The following KALRN variants were observed in gnomAD, a reference collection of about 807,000 sequenced individuals.
KALRN encodes the protein kalirin.
KALRN carries 70 observed loss-of-function variants against 353.7 expected under a neutral mutation model. The observed-to-expected ratio is 0.20, with a 90% CI of 0.16 to 0.24. The LOEUF (loss-of-function observed/expected upper bound fraction) is 0.24. Among genes scored for constraint, KALRN ranks in the 10% least tolerant of loss-of-function variants. KALRN has a pLI of 1.00. For missense variants in KALRN, 2,791 were observed against 3,756.7 expected, an observed-to-expected ratio of 0.74 and a Z score of 6.72; for synonymous variants, 1,391 against 1,434.8, an observed-to-expected ratio of 0.97 and a Z score of 0.69.
At chr3:124,574,995 C>A (rs1294252146) in intron 34 of KALRN, among the ~76,000 whole-genome samples, 1 of 152,244 alleles carries the variant, frequency 6.6e-6, no homozygotes, top group Non-Finnish European at 1.5e-5. Context: ...AACAACTCCT[C>A]ACCGAGGATC....
intron 33 of KALRN, chr3:124,518,805 T>A: frequency 8.2e-7 from 1 of 1,218,544 alleles, no homozygotes. Flanking sequence ...CCCAGGCTCC[T>A]GCTGCCCTAG....
At chr3:124,198,802 C>G (rs1393395368) in intron 1 of KALRN, among the ~76,000 whole-genome samples, 1 of 152,210 alleles carries the variant, frequency 6.6e-6, no homozygotes, top group African/African-American at 2.4e-5. Context: ...AATCGCTGCT[C>G]TAGAAGCTCC....
intron 1 of KALRN, among the ~76,000 whole-genome samples, chr3:124,120,744 A>ATATATATATATATT (rs1491323555): frequency 7.2e-6 from 1 of 138,020 alleles, no homozygotes; most frequent in Non-Finnish European, 1.6e-5. Flanking sequence ...ATATATATAT[A>ATATATATATATATT]TTTTCACATA....
At chr3:124,260,600 G>A (rs542473126) in intron 3 of KALRN, among the ~76,000 whole-genome samples, 31 of 152,128 alleles carry the variant, frequency 2.0e-4, no homozygotes, top group African/African-American at 5.3e-4. Context: ...TCCTTTGGGC[G>A]GAGAGTATTA....
chr3:124,710,855 G>A (rs867602595), intron 57 of KALRN, among the ~76,000 whole-genome samples: 2 of 152,176 alleles, frequency 1.3e-5, no homozygotes, highest in African/African-American at 4.8e-5. Flanking sequence ...TTTAAACCAT[G>A]GGTCTGCATA....
chr3:124,514,211 A>G (rs964255497), intron 33 of KALRN, among the ~76,000 whole-genome samples: 1 of 152,168 alleles, frequency 6.6e-6, no homozygotes, highest in East Asian at 1.9e-4. Flanking sequence ...CCTTTTTAAA[A>G]CCAGTTAATA....
At chr3:124,677,586 C>T (rs988813980) in intron 49 of KALRN, 1 of 456,568 alleles carries the variant, frequency 2.2e-6, no homozygotes, top group African/African-American at 2.0e-5. Flanking sequence ...GACCGAGAAA[C>T]TCTTTGCCCT....
chr3:124,257,682 A>G (rs1416792422), intron 3 of KALRN, among the ~76,000 whole-genome samples: 1 of 152,118 alleles, frequency 6.6e-6, no homozygotes, highest in East Asian at 1.9e-4. Context: ...CAGGGGACCC[A>G]TGGCCCAGAT....
intron 1 of KALRN, among the ~76,000 whole-genome samples, chr3:124,135,391 G>C (rs548599639): frequency 6.6e-6 from 1 of 152,088 alleles, no homozygotes; most frequent in Non-Finnish European, 1.5e-5. Flanking sequence ...AGTGGGAGGG[G>C]GGCAAGGGAT....
intron 51 of KALRN, among the ~76,000 whole-genome samples, chr3:124,680,492 C>G (rs2087668245): frequency 6.6e-6 from 1 of 152,224 alleles, no homozygotes; most frequent in South Asian, 2.1e-4. Flanking sequence ...GTAATGGGTA[C>G]AAGTTTAGAG....
At chr3:124,303,813 C>G (rs556224687) in intron 6 of KALRN, among the ~76,000 whole-genome samples, 1 of 152,268 alleles carries the variant, frequency 6.6e-6, no homozygotes, top group East Asian at 1.9e-4. Context: ...GCCAAAGGCA[C>G]ATATTGCCAC....
chr3:124,612,565 C>G (rs1272939974), intron 34 of KALRN, among the ~76,000 whole-genome samples: 3 of 152,116 alleles, frequency 2.0e-5, no homozygotes, highest in Non-Finnish European at 4.4e-5. Flanking sequence ...TTGAACTCCT[C>G]ACCTCAGGTG....
intron 10 of KALRN, among the ~76,000 whole-genome samples, chr3:124,376,103 T>G (rs1330974994): frequency 6.6e-6 from 1 of 152,166 alleles, no homozygotes; most frequent in Non-Finnish European, 1.5e-5. Flanking sequence ...ATGGACAGGG[T>G]GATTATTACG....
intron 10 of KALRN, among the ~76,000 whole-genome samples, chr3:124,366,965 A>G (rs2084846096): frequency 7.2e-6 from 1 of 138,156 alleles, no homozygotes; most frequent in African/African-American, 2.8e-5. Flanking sequence ...GGCCAGGCAG[A>G]GGCGCCCCTC....
chr3:124,690,993 C>A (rs1019609815), intron 51 of KALRN, among the ~76,000 whole-genome samples: 4 of 152,234 alleles, frequency 2.6e-5, no homozygotes, highest in Admixed American at 2.0e-4. Context: ...TATTCACCAA[C>A]ATTTATTAAA....
chr3:124,419,980 G>A (rs756869215), intron 14 of KALRN, among the ~76,000 whole-genome samples: 2 of 152,126 alleles, frequency 1.3e-5, no homozygotes, highest in African/African-American at 2.4e-5. Flanking sequence ...ACTAGGACTC[G>A]TGTCAGTGTG....
At chr3:124,344,314 G>A (rs527668718) in intron 9 of KALRN, among the ~76,000 whole-genome samples, 18 of 152,302 alleles carry the variant, frequency 1.2e-4, no homozygotes, top group East Asian at 1.9e-4. Context: ...AATTTATAGC[G>A]TGTAATGTAA....
At chr3:124,469,873 T>C (rs1227189580) in intron 25 of KALRN, among the ~76,000 whole-genome samples, 2 of 152,210 alleles carry the variant, frequency 1.3e-5, no homozygotes, top group Admixed American at 1.3e-4. Context: ...CGCTCCTTAA[T>C]GAAGGATACA....
chr3:124,134,540 T>C (rs1321078958), intron 1 of KALRN, among the ~76,000 whole-genome samples: 1 of 152,056 alleles, frequency 6.6e-6, no homozygotes, highest in Non-Finnish European at 1.5e-5. Flanking sequence ...CTAATTAAAC[T>C]AAAGAGCTTT....
Sources: gnomAD v4.1 joint callset for allele counts (sites outside exome capture counted in the v4.1 genomes callset) on GRCh38, gnomAD v4.1.1 for gene constraint, MANE v1.5 for transcripts, NCBI Gene and HGNC (gene_info 2026-07-23, HGNC 2026-07-21) for gene names.